DLGAP1: variants seen among roughly 807,000 people sequenced by gnomAD.
DLGAP1 encodes disks large-associated protein 1.
Under a neutral mutation model 90.8 loss-of-function variants are expected in DLGAP1, and 11 were observed. The ratio of observed to expected loss-of-function variants is 0.12; its 90% CI spans 0.08 to 0.20. The LOEUF (loss-of-function observed/expected upper bound fraction) is 0.20. DLGAP1 is among the 10% of genes least tolerant of loss of function. The pLI is 1.00. For missense variants in DLGAP1, 1,050 were observed against 1,333.8 expected, an observed-to-expected ratio of 0.79 and a Z score of 3.31; for synonymous variants, 558 against 540.7, an observed-to-expected ratio of 1.03 and a Z score of -0.44.
intron 7 of DLGAP1, among the ~76,000 whole-genome samples, chr18:3,601,127 C>T (rs377023844): frequency 2.0e-5 from 3 of 151,478 alleles, no homozygotes; most frequent in African/African-American, 4.9e-5. Context: ...CACCCTGTGG[C>T]TCAGGCTAGA....
At chr18:4,008,649 C>T (rs553904141) in intron 2 of DLGAP1, among the ~76,000 whole-genome samples, 1 of 152,262 alleles carries the variant, frequency 6.6e-6, no homozygotes, top group African/African-American at 2.4e-5. Flanking sequence ...GTTTTATTCT[C>T]ATACAATGAA....
intron 1 of DLGAP1, among the ~76,000 whole-genome samples, chr18:4,382,606 TA>T (rs982251221): frequency 2.6e-5 from 4 of 151,862 alleles, no homozygotes; most frequent in Non-Finnish European, 5.9e-5. Context: ...ACTTTGCAAT[TA>T]AAAAAACCTA....
chr18:4,191,543 T>G (rs2077399977), intron 1 of DLGAP1, among the ~76,000 whole-genome samples: 1 of 152,158 alleles, frequency 6.6e-6, no homozygotes, highest in South Asian at 2.1e-4. Flanking sequence ...TGTTTTCATT[T>G]TTTCTCCTTT....
intron 1 of DLGAP1, among the ~76,000 whole-genome samples, chr18:4,240,856 G>C (rs2078519707): frequency 6.6e-6 from 1 of 152,138 alleles, no homozygotes; most frequent in Non-Finnish European, 1.5e-5. Context: ...AGTTCCATGT[G>C]GTTACTATGC....
At chr18:3,592,662 G>A (rs2056315462) in intron 7 of DLGAP1, among the ~76,000 whole-genome samples, 1 of 151,606 alleles carries the variant, frequency 6.6e-6, no homozygotes, top group Non-Finnish European at 1.5e-5. Flanking sequence ...AACAGAGTGA[G>A]ACCTCGTCTC....
intron 5 of DLGAP1, among the ~76,000 whole-genome samples, chr18:3,809,299 C>T (rs909699642): frequency 6.6e-6 from 1 of 152,122 alleles, no homozygotes; most frequent in Non-Finnish European, 1.5e-5. Context: ...CTCTCATTTA[C>T]GAGGAGGTTC....
intron 5 of DLGAP1, among the ~76,000 whole-genome samples, chr18:3,785,076 T>C (rs747948662): frequency 5.9e-5 from 9 of 152,258 alleles, no homozygotes; most frequent in Non-Finnish European, 1.0e-4. Flanking sequence ...AAATAATCTA[T>C]GCAGCAGTTG....
chr18:4,161,974 C>A (rs2076853184), intron 1 of DLGAP1, among the ~76,000 whole-genome samples: 1 of 152,088 alleles, frequency 6.6e-6, no homozygotes, highest in South Asian at 2.1e-4. Flanking sequence ...GGTCTTCATC[C>A]CATACAACAA....
At chr18:4,005,953 C>A (rs2074293427) in intron 2 of DLGAP1, among the ~76,000 whole-genome samples, 2 of 152,128 alleles carry the variant, frequency 1.3e-5, no homozygotes, top group African/African-American at 4.8e-5. Context: ...TTTCCTTGGG[C>A]TTCCAGACAA....
At chr18:4,419,695 T>C (rs2082985490) in intron 1 of DLGAP1, among the ~76,000 whole-genome samples, 1 of 152,018 alleles carries the variant, frequency 6.6e-6, no homozygotes, top group African/African-American at 2.4e-5. Context: ...ATGCATGCAG[T>C]GGGATTATAA....
intron 2 of DLGAP1, among the ~76,000 whole-genome samples, chr18:4,111,922 GTTT>G (rs908015136): frequency 6.7e-6 from 1 of 150,180 alleles, no homozygotes; most frequent in African/African-American, 2.4e-5. Flanking sequence ...TTTTGTTTTT[GTTT>G]TTTATTTATT....
At chr18:4,294,973 T>A (rs1349200929) in intron 1 of DLGAP1, 4 of 152,636 alleles carry the variant, frequency 2.6e-5, no homozygotes, top group African/African-American at 9.6e-5. Flanking sequence ...TGTTCTGCCA[T>A]CCAGTTTGCT....
chr18:4,030,508 C>G (rs866261308), intron 2 of DLGAP1, among the ~76,000 whole-genome samples: 28 of 152,214 alleles, frequency 1.8e-4, no homozygotes, highest in African/African-American at 5.8e-4. Context: ...TCTGAACCTC[C>G]AGCCCATCCC....
intron 2 of DLGAP1, among the ~76,000 whole-genome samples, chr18:4,059,426 C>T (rs2075268490): frequency 6.6e-6 from 1 of 152,108 alleles, no homozygotes; most frequent in Non-Finnish European, 1.5e-5. Context: ...ACTGTTTGGC[C>T]TAAAAATAAA....
chr18:4,408,651 C>A (rs2082713941), intron 1 of DLGAP1, among the ~76,000 whole-genome samples: 1 of 151,810 alleles, frequency 6.6e-6, no homozygotes, highest in Non-Finnish European at 1.5e-5. Context: ...ATGAACAAAA[C>A]AAAATGTACA....
chr18:3,703,849 A>G (rs2061354911), intron 7 of DLGAP1, among the ~76,000 whole-genome samples: 1 of 152,018 alleles, frequency 6.6e-6, no homozygotes, highest in Admixed American at 6.5e-5. Flanking sequence ...CTTTCCACAC[A>G]CGGTTTTTGC....
intron 5 of DLGAP1, among the ~76,000 whole-genome samples, chr18:3,785,246 A>T (rs1253101368): frequency 1.3e-5 from 2 of 152,146 alleles, no homozygotes; most frequent in South Asian, 2.1e-4. Flanking sequence ...GGAAGGCTGG[A>T]ATGGGTCTTA....
chr18:3,747,277 C>T (rs2147765532), intron 5 of DLGAP1, among the ~76,000 whole-genome samples: 1 of 152,224 alleles, frequency 6.6e-6, no homozygotes, highest in South Asian at 2.1e-4. Flanking sequence ...AATAGTTTGC[C>T]AGGTCAAGGT....
chr18:3,724,561 T>C (rs1410321949), intron 7 of DLGAP1, among the ~76,000 whole-genome samples: 1 of 151,832 alleles, frequency 6.6e-6, no homozygotes, highest in Non-Finnish European at 1.5e-5. Context: ...CTGGCCAACA[T>C]GGTGAAACCC....
Sources: allele counts gnomAD v4.1 joint callset (sites outside exome capture counted in the v4.1 genomes callset), GRCh38; gene constraint gnomAD v4.1.1; transcripts MANE v1.5; gene names NCBI Gene and HGNC (gene_info 2026-07-23, HGNC 2026-07-21).